FBXL17: variants seen among roughly 807,000 people sequenced by gnomAD.
The protein encoded by FBXL17 is F-box and leucine rich repeat protein 17.
FBXL17 carries 22 observed loss-of-function variants against 66.2 expected under a neutral mutation model. That is an observed-to-expected ratio of 0.33 (90% confidence interval 0.24 to 0.47). The LOEUF is 0.47. Ranked by LOEUF, FBXL17 falls within the 20% of genes least tolerant of loss-of-function variation. The probability of loss-of-function intolerance (pLI) is 1.00; values close to 1 mark genes in which losing one functional copy is unlikely to be tolerated. For synonymous variants in FBXL17, 474 were observed against 400.5 expected (o/e 1.18, Z -2.19); for missense variants, 878 against 948.2 (o/e 0.93, Z 0.97).
At chr5:108,135,086 T>C (rs1334220167) in intron 6 of FBXL17, among the ~76,000 whole-genome samples, 1 of 152,146 alleles carries the variant, frequency 6.6e-6, no homozygotes, top group Non-Finnish European at 1.5e-5. Flanking sequence ...AGCGTCAGAA[T>C]TTCTTTGAAG....
chr5:107,881,991 G>A (rs1039482663), intron 7 of FBXL17, among the ~76,000 whole-genome samples: 1 of 152,090 alleles, frequency 6.6e-6, no homozygotes, highest in African/African-American at 2.4e-5. Context: ...CCATCACAGC[G>A]ACCAAGTGGT....
intron 4 of FBXL17, among the ~76,000 whole-genome samples, chr5:108,246,629 C>T (rs1756109154): frequency 6.6e-6 from 1 of 152,224 alleles, no homozygotes; most frequent in African/African-American, 2.4e-5. Flanking sequence ...CATACTTAAC[C>T]TCTGCTAACT....
At chr5:107,892,225 C>T (rs942705201) in intron 7 of FBXL17, among the ~76,000 whole-genome samples, 14 of 152,016 alleles carry the variant, frequency 9.2e-5, no homozygotes, top group Non-Finnish European at 1.6e-4. Context: ...TAACTCAAAC[C>T]AATATAAGCT....
chr5:108,002,528 AT>A (rs1753774186), intron 7 of FBXL17, among the ~76,000 whole-genome samples: 1 of 152,180 alleles, frequency 6.6e-6, no homozygotes. Context: ...TTTCCCAGGT[AT>A]CTACCTAAGA....
chr5:108,244,854 G>A (rs1580682460), intron 4 of FBXL17, among the ~76,000 whole-genome samples: 1 of 152,094 alleles, frequency 6.6e-6, no homozygotes, highest in African/African-American at 2.4e-5. Context: ...AGGTTTACCT[G>A]TATTTTGCAA....
chr5:107,987,279 C>T (rs1753050432), intron 7 of FBXL17, among the ~76,000 whole-genome samples: 1 of 128,318 alleles, frequency 7.8e-6, no homozygotes. Flanking sequence ...CAGCTTCTCA[C>T]ATCTGCTATT....
chr5:107,970,469 C>G (rs1336005426), intron 7 of FBXL17, among the ~76,000 whole-genome samples: 1 of 152,126 alleles, frequency 6.6e-6, no homozygotes, highest in African/African-American at 2.4e-5. Context: ...CGCTTCTGCC[C>G]TTAACTTTAA....
At chr5:108,048,653 TG>T (rs1401024386) in intron 6 of FBXL17, among the ~76,000 whole-genome samples, 1 of 152,104 alleles carries the variant, frequency 6.6e-6, no homozygotes, top group African/African-American at 2.4e-5. Context: ...GAGAACTTCA[TG>T]AAGCATACAC....
intron 6 of FBXL17, among the ~76,000 whole-genome samples, chr5:108,121,327 A>G (rs1750487851): frequency 6.7e-6 from 1 of 149,202 alleles, no homozygotes; most frequent in Non-Finnish European, 1.5e-5. Flanking sequence ...ACTCCATCTC[A>G]AAAAAAAAAG....
At chr5:108,272,951 G>A (rs1001554861) in intron 4 of FBXL17, among the ~76,000 whole-genome samples, 5 of 151,904 alleles carry the variant, frequency 3.3e-5, no homozygotes, top group East Asian at 1.9e-4. Context: ...CCTAAGTGTC[G>A]GCCAGCTTGA....
intron 5 of FBXL17, among the ~76,000 whole-genome samples, chr5:108,193,577 T>C (rs959163442): frequency 2.0e-5 from 3 of 152,124 alleles, no homozygotes; most frequent in Non-Finnish European, 2.9e-5. Flanking sequence ...TATGACTAAC[T>C]AGGCTGGAAT....
At chr5:108,361,451 T>A (rs1166641871) in intron 3 of FBXL17, among the ~76,000 whole-genome samples, 6 of 152,118 alleles carry the variant, frequency 3.9e-5, no homozygotes, top group African/African-American at 1.4e-4. Context: ...TACTTCCTGC[T>A]TGTACTGGAC....
At chr5:107,937,201 T>C (rs1391203324) in intron 7 of FBXL17, among the ~76,000 whole-genome samples, 2 of 152,170 alleles carry the variant, frequency 1.3e-5, no homozygotes, top group Non-Finnish European at 2.9e-5. Flanking sequence ...AAATATATTA[T>C]ACAACGTATG....
At chr5:108,271,877 T>C (rs757367459) in intron 4 of FBXL17, among the ~76,000 whole-genome samples, 6 of 152,192 alleles carry the variant, frequency 3.9e-5, no homozygotes, top group Non-Finnish European at 8.8e-5. Context: ...CTCTCTGTGC[T>C]TCAGTTTCTT....
At chr5:107,924,069 T>G (rs373887466) in intron 7 of FBXL17, among the ~76,000 whole-genome samples, 67 of 122,228 alleles carry the variant, frequency 5.5e-4, no homozygotes, top group Non-Finnish European at 6.1e-4. Flanking sequence ...TGTTTTTTTT[T>G]TTTTTTTTTT....
chr5:107,892,683 A>C (rs1580689064), intron 7 of FBXL17, among the ~76,000 whole-genome samples: 1 of 152,276 alleles, frequency 6.6e-6, no homozygotes, highest in East Asian at 1.9e-4. Context: ...TATGTGGAAA[A>C]AAAAGCATAA....
At chr5:107,956,199 T>C in intron 7 of FBXL17, among the ~76,000 whole-genome samples, 1 of 152,314 alleles carries the variant, frequency 6.6e-6, no homozygotes, top group South Asian at 2.1e-4. Flanking sequence ...ATAATAGAAA[T>C]AATTTTATTA....
intron 6 of FBXL17, among the ~76,000 whole-genome samples, chr5:108,140,245 T>C (rs1013524926): frequency 6.6e-6 from 1 of 152,116 alleles, no homozygotes; most frequent in Non-Finnish European, 1.5e-5. Flanking sequence ...GGGGTCTCAC[T>C]ATGTTGCCCA....
In FBXL17 at chr5:108,320,938, G is replaced by A. The variant is rs370858171; in HGVS notation, c.1506+27461C>T. Reference sequence around the variant, plus strand: ...AAAAGCACGTTTAATGCCTATCTGCGAACCAAACTTTATGCCAAATATCCG... The same window carrying A: ...AAAAGCACGTTTAATGCCTATCTGCAAACCAAACTTTATGCCAAATATCCG... On this transcript the variant is annotated intron_variant, in intron 4 of 8. Transcript: ENST00000542267. 2.7e-4 allele frequency among the ~76,000 whole-genome samples: 41 copies of A among 151,842 alleles called. 1 individual carries two copies. The highest frequency in any genetic ancestry group is 1.5e-3 in the East Asian group (8 of 5,176).
Sources: allele counts gnomAD v4.1 joint callset (sites outside exome capture counted in the v4.1 genomes callset), GRCh38; gene constraint gnomAD v4.1.1; transcripts MANE v1.5; gene names NCBI Gene and HGNC (gene_info 2026-07-23, HGNC 2026-07-21).